Variants in GRM3 observed in about 807,000 individuals in gnomAD.
GRM3 encodes the protein metabotropic glutamate receptor 3.
A neutral mutation model predicts 70.5 loss-of-function variants in GRM3; 26 were observed. That is an observed-to-expected ratio of 0.37 (90% CI 0.27 to 0.51). The LOEUF (loss-of-function observed/expected upper bound fraction) is 0.51. GRM3 is among the 20% of genes least tolerant of loss of function. GRM3 has a pLI of 0.93. For missense variants in GRM3, 859 were observed against 1,123.8 expected (o/e 0.76, Z 3.37); for synonymous variants, 443 against 434.9 (o/e 1.02, Z -0.23).
intron 1 of GRM3, among the ~76,000 whole-genome samples, chr7:86,714,946 G>T (rs1795281615): frequency 6.6e-6 from 1 of 151,928 alleles, no homozygotes; most frequent in African/African-American, 2.4e-5. Flanking sequence ...TTTACCATGT[G>T]ATTGTCACAA....
chr7:86,645,652 A>G (rs1013144186), intron 1 of GRM3, among the ~76,000 whole-genome samples: 1 of 152,142 alleles, frequency 6.6e-6, no homozygotes, highest in African/African-American at 2.4e-5. Flanking sequence ...ACAATTCTCT[A>G]AGGTACAACA....
chr7:86,843,038 G>A (rs933279741), intron 4 of GRM3, among the ~76,000 whole-genome samples: 7 of 152,088 alleles, frequency 4.6e-5, no homozygotes, highest in Non-Finnish European at 8.8e-5. Flanking sequence ...ATGGGCCGGG[G>A]GCAGGGCTGG....
At chr7:86,758,205 C>A (rs1280298965) in intron 1 of GRM3, among the ~76,000 whole-genome samples, 1 of 152,144 alleles carries the variant, frequency 6.6e-6, no homozygotes, top group East Asian at 1.9e-4. Flanking sequence ...CTGTATACAT[C>A]TAGGAAATTA....
chr7:86,768,852 C>G (rs2116431945), intron 2 of GRM3, among the ~76,000 whole-genome samples: 1 of 152,182 alleles, frequency 6.6e-6, no homozygotes, highest in African/African-American at 2.4e-5. Flanking sequence ...ATACACTGAC[C>G]CCCATGCCCC....
At chr7:86,665,048 A>G (rs940495218) in intron 1 of GRM3, among the ~76,000 whole-genome samples, 3 of 152,066 alleles carry the variant, frequency 2.0e-5, no homozygotes, top group Non-Finnish European at 4.4e-5. Flanking sequence ...AGCTATCATT[A>G]TTGATTGTAG....
chr7:86,861,100 G>A (rs1798948266), intron 5 of GRM3, among the ~76,000 whole-genome samples: 1 of 152,168 alleles, frequency 6.6e-6, no homozygotes, highest in Non-Finnish European at 1.5e-5. Context: ...GCCTGAATGG[G>A]AGCTCACAAC....
intron 1 of GRM3, among the ~76,000 whole-genome samples, chr7:86,688,583 G>A (rs922229843): frequency 2.6e-5 from 4 of 151,270 alleles, no homozygotes; most frequent in East Asian, 1.9e-4. Flanking sequence ...AAAAGCATAC[G>A]AAAGAAAAGG....
intron 1 of GRM3, among the ~76,000 whole-genome samples, chr7:86,672,891 C>T (rs1794208540): frequency 6.6e-6 from 1 of 152,114 alleles, no homozygotes; most frequent in African/African-American, 2.4e-5. Context: ...AAGTGGTGAA[C>T]ATATAGAAAA....
At chr7:86,684,791 A>C (rs540207723) in intron 1 of GRM3, among the ~76,000 whole-genome samples, 1 of 152,330 alleles carries the variant, frequency 6.6e-6, no homozygotes, top group African/African-American at 2.4e-5. Context: ...ATATTAAATA[A>C]AGAGTCCAAC....
At chr7:86,682,308 G>C (rs1002724187) in intron 1 of GRM3, among the ~76,000 whole-genome samples, 28 of 152,118 alleles carry the variant, frequency 1.8e-4, no homozygotes, top group Non-Finnish European at 1.2e-4. Context: ...GTAAAATATG[G>C]TACGTGTCAT....
chr7:86,864,652 A>AAAAAAAAAAAAAAAAAAAAAAAAC lies in GRM3; in HGVS notation c.*309_*310insAAAAAAAAAAACAAAAAAAAAAAA, dbSNP rs1799028872. The AAAAAAAAAAAAAAAAAAAAAAAAC allele has an allele frequency of 7.6e-6, 1 of 132,450 alleles. No homozygotes were observed. The highest frequency in any genetic ancestry group is 4.7e-5 in the African/African-American group (1 of 21,408). The allele number at this position is 132,450 out of a possible 1,614,324, so 8.2% of individuals were successfully genotyped here. ...CTACTAAAAAACAAAAAAAAAAAAC[A>AAAAAAAAAAAAAAAAAAAAAAAAC]AAAAAAAAAAAACAAAAGAAAAAAA... On this transcript the variant is annotated 3_prime_UTR_variant, in exon 6 of 6. Transcript: ENST00000361669.
intron 1 of GRM3, among the ~76,000 whole-genome samples, chr7:86,754,305 A>T (rs1796296125): frequency 6.6e-6 from 1 of 152,136 alleles, no homozygotes; most frequent in Admixed American, 6.6e-5. Context: ...TTAATGTTTT[A>T]ACCCTGTGTT....
intron 1 of GRM3, among the ~76,000 whole-genome samples, chr7:86,688,815 G>A (rs1479897455): frequency 4.2e-5 from 6 of 141,642 alleles, no homozygotes; most frequent in Admixed American, 1.4e-4. Context: ...TCACACATAT[G>A]ATATATATAT....
chr7:86,833,023 T>C (rs1209173198), intron 3 of GRM3: 17 of 983,706 alleles, frequency 1.7e-5, no homozygotes, highest in Non-Finnish European at 2.1e-5. Context: ...CCCTTCTAGT[T>C]TGGTTTCTTT....
At chr7:86,773,808 G>A (rs73400434) in intron 2 of GRM3, among the ~76,000 whole-genome samples, 2,515 of 152,136 alleles carry the variant, frequency 0.017, 71 homozygotes, top group African/African-American at 0.056. Context: ...TATCTGATAT[G>A]CTACTATTTT....
chr7:86,734,531 T>A (rs927179543), intron 1 of GRM3, among the ~76,000 whole-genome samples: 1 of 152,218 alleles, frequency 6.6e-6, no homozygotes, highest in African/African-American at 2.4e-5. Flanking sequence ...ATGTTAGGGT[T>A]ACATAATTCA....
intron 1 of GRM3, among the ~76,000 whole-genome samples, chr7:86,672,620 G>A (rs141380662): frequency 2.0e-5 from 3 of 151,388 alleles, no homozygotes; most frequent in Non-Finnish European, 4.4e-5. Flanking sequence ...TTTTTCAGGA[G>A]ACCATGGCTG....
chr7:86,644,941 G>A (rs562436642), intron 1 of GRM3, 69 bp downstream of exon 1: 5 of 826,862 alleles, frequency 6.0e-6, no homozygotes, highest in Admixed American at 5.0e-5. Context: ...CTCGGGTGCC[G>A]CGTGGGGCAG....
chr7:86,821,504 AC>A (rs1349604454), intron 3 of GRM3, among the ~76,000 whole-genome samples: 1 of 152,202 alleles, frequency 6.6e-6, no homozygotes, highest in Non-Finnish European at 1.5e-5. Context: ...TGGACTAATC[AC>A]TTTTAATTTA....
Sources: gnomAD v4.1 joint callset for allele counts (sites outside exome capture counted in the v4.1 genomes callset) on GRCh38, gnomAD v4.1.1 for gene constraint, MANE v1.5 for transcripts, NCBI Gene and HGNC (gene_info 2026-07-23, HGNC 2026-07-21) for gene names.